ARHGAP27: variants seen among roughly 807,000 people sequenced by gnomAD.
The protein encoded by ARHGAP27 is rho GTPase-activating protein 27.
In ARHGAP27, 53 loss-of-function variants were observed where a neutral mutation model predicts 102.0. That is an observed-to-expected ratio of 0.52 (90% CI 0.42 to 0.65). ARHGAP27 has a LOEUF of 0.65. ARHGAP27 is among the 30% of genes least tolerant of loss of function. The probability of loss-of-function intolerance (pLI) is 0.00; values close to 1 mark genes in which losing one functional copy is unlikely to be tolerated. For missense variants in ARHGAP27, 1,117 were observed against 1,256.2 expected (o/e 0.89, Z 1.68); for synonymous variants, 525 against 542.8 (o/e 0.97, Z 0.46).
intron 4 of ARHGAP27, among the ~76,000 whole-genome samples, chr17:45,411,339 C>T (rs2047887237): frequency 1.3e-5 from 2 of 152,074 alleles, no homozygotes; most frequent in Non-Finnish European, 2.9e-5. Context: ...GCACTAAGCC[C>T]ACCAGCCCAC....
chr17:45,396,497 G>T lies in ARHGAP27; in HGVS notation c.2163C>A (p.Val721=). ...PRFVQQCIRA[V]EARGLDIDGL... is the part of the protein sequence containing the mutation. ...CCGCAGCGCACGTACCGCGGGCCTC[G>T]ACGGCGCGGATGCACTGCTGCACGA... The change falls in exon 16 of 20, where the codon GTC becomes GTA. Residue 721 remains valine (V), a synonymous_variant. Coordinates refer to ENST00000685559, the MANE Select transcript of ARHGAP27 (RefSeq NM_001282290.2). 6.5e-7 allele frequency: 1 copy of T among 1,546,482 alleles called. No homozygotes were observed. Among genetic ancestry groups the T allele is most frequent in the Non-Finnish European group, 8.7e-7 (1 of 1,151,802 alleles).
intron 4 of ARHGAP27, among the ~76,000 whole-genome samples, chr17:45,411,083 C>G (rs1424252846): frequency 6.6e-6 from 1 of 152,148 alleles, no homozygotes; most frequent in Non-Finnish European, 1.5e-5. Flanking sequence ...ATGCCCGTGC[C>G]TGTCCCCTCC....
intron 14 of ARHGAP27, 51 bp from the exon 15 acceptor site, chr17:45,396,841 C>A (rs777019676): frequency 3.1e-6 from 5 of 1,607,080 alleles, no homozygotes; most frequent in Non-Finnish European, 4.2e-6. Context: ...CAGGGCAGGC[C>A]AGGCAGGCCC....
chr17:45,418,302 C>CT lies in ARHGAP27; in HGVS notation c.657+11320dup, dbSNP rs35945366. ...AAAAAAAAAAAAAAAATCCCTTAAA[C>CT]TTTTTTACTATTCTCCATCCTCACT... On this transcript the variant is annotated intron_variant, in intron 4 of 19. Coordinates refer to ENST00000685559, the MANE Select transcript of ARHGAP27 (RefSeq NM_001282290.2). Among the ~76,000 whole-genome samples the CT allele has an allele frequency of 4.8e-3, 689 of 144,270 alleles. 5 individuals are homozygous for CT. Among genetic ancestry groups the CT allele is most frequent in the African/African-American group, 0.016 (642 of 39,612 alleles). The allele number at this position is 144,270 out of a possible 152,430, so 94.6% of individuals were successfully genotyped here.
At chr17:45,395,717 C>T (rs755391425) in intron 19 of ARHGAP27, 27 bp downstream of exon 19, 2 of 1,574,016 alleles carry the variant, frequency 1.3e-6, no homozygotes, top group Non-Finnish European at 1.7e-6. Flanking sequence ...CCTGCCTCCC[C>T]CTTCCCGCGC....
At chr17:45,397,816 A>G (rs1597764155) in intron 13 of ARHGAP27, 133 bp downstream of exon 13, 1 of 711,006 alleles carries the variant, frequency 1.4e-6, no homozygotes, top group East Asian at 2.8e-5. Flanking sequence ...CTACCCTGCC[A>G]TCCTAGCCAT....
chr17:45,410,703 AGGGGGCGCTGAGTGCT>A (rs2047818318), intron 4 of ARHGAP27, among the ~76,000 whole-genome samples: 1 of 151,494 alleles, frequency 6.6e-6, no homozygotes, highest in Non-Finnish European at 1.5e-5. Flanking sequence ...GGGTGGGCAG[AGGGGGCGCTGAGTGCT>A]GGGGGCCTGG....
intron 4 of ARHGAP27, among the ~76,000 whole-genome samples, chr17:45,423,324 C>G (rs1330263157): frequency 6.6e-6 from 1 of 151,902 alleles, no homozygotes; most frequent in African/African-American, 2.4e-5. Flanking sequence ...TGAATGCTTT[C>G]CTAGTAAAAT....
chr17:45,425,509 G>C (rs1167908174), intron 4 of ARHGAP27: 1 of 963,084 alleles, frequency 1.0e-6, no homozygotes. Flanking sequence ...AGGGAGGGGA[G>C]AGATTGGGGA....
At chr17:45,420,077 C>T (rs1318323873) in intron 4 of ARHGAP27, among the ~76,000 whole-genome samples, 1 of 152,110 alleles carries the variant, frequency 6.6e-6, no homozygotes, top group Non-Finnish European at 1.5e-5. Context: ...TCTTTTGACC[C>T]CAAAATCCCA....
At chr17:45,416,560 T>C (rs2048481201) in intron 4 of ARHGAP27, among the ~76,000 whole-genome samples, 1 of 151,320 alleles carries the variant, frequency 6.6e-6, no homozygotes, top group Admixed American at 6.6e-5. Flanking sequence ...TTTTTTAATT[T>C]TTTTTTGAGA....
rs565985835 is a variant in ARHGAP27 at position 45,429,540 on chromosome 17, C to T, written c.657+83G>A. The T allele has an allele frequency of 2.2e-4, 335 of 1,556,782 alleles. No individual in the cohort carries two copies. The East Asian group carries it at 7.7e-3, about 36-fold the overall frequency. ...GCGTCGTGCCCGACGCTGAGCGGAG[C>T]GGGTCTCCTTGCGCCCCGGCTCCGT... On this transcript the variant is annotated intron_variant, in intron 4 of 19. Transcript: ENST00000685559.
chr17:45,402,510 C>T (rs1567698774), intron 12 of ARHGAP27, among the ~76,000 whole-genome samples: 1 of 152,172 alleles, frequency 6.6e-6, no homozygotes, highest in Non-Finnish European at 1.5e-5. Context: ...AAGGGTCCCA[C>T]AGCACTGCCA....
At chr17:45,424,949 TGA>T (rs1322921330) in intron 4 of ARHGAP27, among the ~76,000 whole-genome samples, 1 of 140,718 alleles carries the variant, frequency 7.1e-6, no homozygotes, top group Non-Finnish European at 1.5e-5. Flanking sequence ...GACTAAGAGG[TGA>T]GAGCCAGGCA....
intron 13 of ARHGAP27, 62 bp from the exon 14 acceptor site, chr17:45,397,086 G>C: frequency 6.3e-7 from 1 of 1,581,898 alleles, no homozygotes; most frequent in Non-Finnish European, 8.5e-7. Flanking sequence ...TTCCAGGATG[G>C]GGCAAGGGAC....
intron 12 of ARHGAP27, among the ~76,000 whole-genome samples, chr17:45,401,098 T>A: frequency 6.6e-6 from 1 of 152,136 alleles, no homozygotes; most frequent in Admixed American, 6.6e-5. Context: ...TCTCAACCCT[T>A]TGGGAGGCCA....
At chr17:45,411,466 T>C (rs2047900578) in intron 4 of ARHGAP27, among the ~76,000 whole-genome samples, 1 of 151,786 alleles carries the variant, frequency 6.6e-6, no homozygotes, top group South Asian at 2.1e-4. Context: ...CTGCCATGTC[T>C]CTCAGCCCCT....
At chr17:45,431,320 T>C (rs1422975303) in intron 3 of ARHGAP27, among the ~76,000 whole-genome samples, 1 of 152,118 alleles carries the variant, frequency 6.6e-6, no homozygotes, top group Admixed American at 6.5e-5. Context: ...TCTCCGGAAG[T>C]GCATGGCCCC....
intron 4 of ARHGAP27, among the ~76,000 whole-genome samples, chr17:45,412,440 G>T (rs781052849): frequency 1.2e-4 from 19 of 152,202 alleles, no homozygotes; most frequent in African/African-American, 3.6e-4. Flanking sequence ...CTCATAGGAA[G>T]TGCTGGGGCA....
Sources: gnomAD v4.1 joint callset for allele counts (sites outside exome capture counted in the v4.1 genomes callset) on GRCh38, gnomAD v4.1.1 for gene constraint, MANE v1.5 for transcripts, NCBI Gene and HGNC (gene_info 2026-07-23, HGNC 2026-07-21) for gene names.